Variants in FBXO31 observed in about 807,000 individuals in gnomAD.
FBXO31 encodes the protein F-box only protein 31.
In FBXO31, 24 loss-of-function variants were observed where a neutral mutation model predicts 54.4. The ratio of observed to expected loss-of-function variants is 0.44; its 90% confidence interval spans 0.32 to 0.62. The LOEUF (loss-of-function observed/expected upper bound fraction) is 0.62, where lower values mean the gene tolerates loss of function less well. Ranked by LOEUF, FBXO31 falls within the 20% of genes least tolerant of loss-of-function variation. The pLI is 0.05. For synonymous variants in FBXO31, 388 were observed against 335.6 expected (o/e 1.16, Z -1.71); for missense variants, 665 against 787.1 (o/e 0.84, Z 1.86).
At chr16:87,375,264 G>A (rs569543083) in intron 1 of FBXO31, among the ~76,000 whole-genome samples, 71 of 152,210 alleles carry the variant, frequency 4.7e-4, no homozygotes, top group Middle Eastern at 3.4e-3. Flanking sequence ...CCAAGATCGC[G>A]CCACTGCACT....
chr16:87,380,553 T>A (rs1907033562), intron 1 of FBXO31, among the ~76,000 whole-genome samples: 1 of 152,136 alleles, frequency 6.6e-6, no homozygotes, highest in African/African-American at 2.4e-5. Context: ...CATGACTGGC[T>A]AACTTTTGTA....
chr16:87,362,321 G>A (rs1006835640), intron 1 of FBXO31, among the ~76,000 whole-genome samples: 3 of 151,472 alleles, frequency 2.0e-5, no homozygotes, highest in African/African-American at 7.3e-5. Context: ...TTTTTTTAGA[G>A]ATAGGGTCTC....
rs1311585411 is a variant in FBXO31, at chr16:87,383,391, C to T, written c.340+14G>A. ...CCCCCGCCCCTCCCGGCCCCGCCACCCCCGCGCGCTCACCCTCACGGCAAC... is the reference window on the plus strand; with the variant it reads ...CCCCCGCCCCTCCCGGCCCCGCCACTCCCGCGCGCTCACCCTCACGGCAAC... On this transcript the variant is annotated intron_variant, in intron 1 of 8. Transcript: ENST00000311635. This position sits in a 1 kb window ranked among gnomAD's most constrained non-coding sequence, Gnocchi z 4.9. 1.3e-6 allele frequency: 2 copies of T among 1,529,798 alleles called. No homozygotes were observed. Among genetic ancestry groups the T allele is most frequent in the Admixed American group, 2.0e-5 (1 of 49,118 alleles). 94.8% of individuals were successfully genotyped at this position (1,529,798 alleles called of 1,614,324 possible). A position where few individuals can be genotyped will look rare whatever the true frequency, so the allele number is the denominator to read the frequency against.
At chr16:87,362,916 C>T (rs1174071102) in intron 1 of FBXO31, among the ~76,000 whole-genome samples, 2 of 152,080 alleles carry the variant, frequency 1.3e-5, no homozygotes, top group Non-Finnish European at 2.9e-5. Context: ...GTCAGGGACC[C>T]CTGTCTTTAC....
Position 87,383,280 on chromosome 16 carries a change from G to A in FBXO31, c.340+125C>T. The A allele has an allele frequency of 3.3e-6, 3 of 907,624 alleles. No homozygotes were observed. Among genetic ancestry groups the A allele is most frequent in the Non-Finnish European group, 3.1e-6 (2 of 639,384 alleles). The allele number at this position is 907,624 out of a possible 1,614,324, so 56.2% of individuals were successfully genotyped here. On this transcript the variant is annotated intron_variant, in intron 1 of 8. Coordinates refer to ENST00000311635, the MANE Select transcript of FBXO31 (RefSeq NM_024735.5). The surrounding 1 kb of genome is among the most constrained non-coding windows in gnomAD (Gnocchi z 4.9). Reference sequence around the variant, plus strand: ...CCACCCACACCCAAAACACCACATCGCCGGGCCCCGCGCCCAACTGGTGGC... The same window carrying A: ...CCACCCACACCCAAAACACCACATCACCGGGCCCCGCGCCCAACTGGTGGC...
rs560886136 is a variant in FBXO31, at chr16:87,352,037, G to A, written c.413-4787C>T. On this transcript the variant is annotated intron_variant, in intron 2 of 8. Coordinates refer to ENST00000311635, the MANE Select transcript of FBXO31 (RefSeq NM_024735.5). The stretch of plus-strand genomic sequence containing the variant: ...AATCAGCAAGGCGATGTGGGGTGGG[G>A]TGGGGGGCCCCTGTCAGGGTTTCTG... 1.4e-4 allele frequency among the ~76,000 whole-genome samples: 21 copies of A among 152,322 alleles called. No homozygotes were observed. In the East Asian group the frequency reaches 3.7e-3, roughly 27 times the overall value.
chr16:87,328,052 C>T lies in FBXO31; in HGVS notation c.*3236G>A, dbSNP rs1904710550. 1 of 152,294 alleles carries T rather than the reference C, an allele frequency of 6.6e-6. No individual in the cohort carries two copies. Among genetic ancestry groups the T allele is most frequent in the Non-Finnish European group, 1.5e-5 (1 of 68,104 alleles). The allele number at this position is 152,294 out of a possible 1,614,324, so 9.4% of individuals were successfully genotyped here. A position where few individuals can be genotyped will look rare whatever the true frequency, so the allele number is the denominator to read the frequency against. On this transcript the variant is annotated 3_prime_UTR_variant, in exon 9 of 9. Coordinates refer to ENST00000311635, the MANE Select transcript of FBXO31 (RefSeq NM_024735.5). ...CATGTGGGCAGGCGTTCTGAAGTAA[C>T]AAAGGGGCTGAGGAGTTTCTGCTGC... is the stretch of plus-strand genomic sequence containing the variant.
At chr16:87,337,584 G>A (rs1377883755) in intron 5 of FBXO31, among the ~76,000 whole-genome samples, 2 of 152,212 alleles carry the variant, frequency 1.3e-5, no homozygotes, top group African/African-American at 4.8e-5. Context: ...CCTCACACGG[G>A]CACCAACAGA....
upstream of FBXO31, chr16:87,384,019 G>T (rs184718664): frequency 5.0e-6 from 1 of 199,520 alleles, no homozygotes; most frequent in Non-Finnish European, 1.0e-5. Flanking sequence ...CAAAACGTTA[G>T]ACTGCCCCGT....
rs568984415 is a variant in FBXO31 at position 87,352,783 on chromosome 16, C to T, written c.413-5533G>A. On this transcript the variant is annotated intron_variant, in intron 2 of 8. Coordinates refer to ENST00000311635, the MANE Select transcript of FBXO31 (RefSeq NM_024735.5). ...AGGCATCTATCTGCCCTGGGAGCCC[C>T]GGCATAAATGCTCCCGAAATGAATT... Among the ~76,000 whole-genome samples the T allele has an allele frequency of 5.3e-5, 8 of 152,292 alleles. No homozygotes were observed. In the East Asian group the frequency reaches 5.8e-4, roughly 11 times the overall value.
chr16:87,355,737 G>C (rs986031660), intron 2 of FBXO31, among the ~76,000 whole-genome samples: 2 of 152,280 alleles, frequency 1.3e-5, no homozygotes, highest in Admixed American at 6.5e-5. Flanking sequence ...CTGGATGCTC[G>C]AGAGGCCAGC....
intron 2 of FBXO31, among the ~76,000 whole-genome samples, chr16:87,356,211 A>G (rs920971795): frequency 2.0e-5 from 3 of 150,648 alleles, no homozygotes; most frequent in Non-Finnish European, 3.0e-5. Context: ...CCTGGGTGAC[A>G]GAGTGAGACT....
intron 8 of FBXO31, among the ~76,000 whole-genome samples, chr16:87,332,378 G>A (rs966546753): frequency 1.3e-5 from 2 of 152,254 alleles, no homozygotes; most frequent in African/African-American, 4.8e-5. Flanking sequence ...GCTGGGGACG[G>A]AGGCTGGACA....
Position 87,360,329 on chromosome 16 carries a change from G to C in FBXO31, c.378C>G (p.Ile126Met), listed in dbSNP as rs1906078184. ...AGACGTCCCGACAAGACACGCCTGT[G>C]ATCTCCAGCTTCCGCAAGTTTTCGC... ...GVCENLRKLE[I>M]TGVSCRDVYA... Residue 126 changes from isoleucine to methionine, a missense_variant, in exon 2 of 9, where the codon ATC (isoleucine) becomes ATG (methionine). Around this residue, in one of 4 missense-constraint regions of FBXO31, gnomAD observed 234 missense variants for 346.8 expected, o/e 0.67. Coordinates refer to ENST00000311635, the MANE Select transcript of FBXO31 (RefSeq NM_024735.5). The C allele has an allele frequency of 6.2e-7, 1 of 1,614,190 alleles. No individual in the cohort carries two copies. Among genetic ancestry groups the C allele is most frequent in the Non-Finnish European group, 8.5e-7 (1 of 1,180,038 alleles).
chr16:87,347,299 G>T, intron 2 of FBXO31, 49 bp from the exon 3 acceptor site: 1 of 1,557,456 alleles, frequency 6.4e-7, no homozygotes, highest in African/African-American at 1.4e-5. Context: ...CCAGCGTGCC[G>T]CAGGGAGCCC....
At chr16:87,373,179 C>T (rs1302071028) in intron 1 of FBXO31, among the ~76,000 whole-genome samples, 28 of 152,094 alleles carry the variant, frequency 1.8e-4, no homozygotes, top group Admixed American at 1.6e-3. Context: ...TGGCCGGGCA[C>T]AGTGGCTCAC....
At chr16:87,363,515 T>C (rs1239958161) in intron 1 of FBXO31, among the ~76,000 whole-genome samples, 1 of 152,212 alleles carries the variant, frequency 6.6e-6, no homozygotes, top group Non-Finnish European at 1.5e-5. Flanking sequence ...TAAGAATTTC[T>C]TAAGTGAAAA....
chr16:87,336,114 A>G lies in FBXO31; in HGVS notation c.842+41T>C, dbSNP rs1295665654. The G allele has an allele frequency of 3.9e-6, 6 of 1,556,994 alleles. No individual in the cohort carries two copies. In the East Asian group the frequency reaches 1.3e-4, roughly 35 times the overall value. ...ACAGGGCTGGTCCCCAGCACACACC[A>G]GGAGAGGGCTACCCCAGCACCGAGC... On this transcript the variant is annotated intron_variant, in intron 6 of 8. Transcript: ENST00000311635. The surrounding 1 kb of genome is among the most constrained non-coding windows in gnomAD (Gnocchi z 6.5).
chr16:87,348,788 C>A (rs1399680581), intron 2 of FBXO31, among the ~76,000 whole-genome samples: 1 of 152,224 alleles, frequency 6.6e-6, no homozygotes, highest in East Asian at 1.9e-4. Context: ...ACCAGAGCAG[C>A]AGGCAGGACC....
Sources: gnomAD v4.1 joint callset for allele counts (sites outside exome capture counted in the v4.1 genomes callset) on GRCh38, gnomAD v4.1.1 for gene constraint, gnomAD v4.1.1 regional missense constraint, Gnocchi (gnomAD v3.1) non-coding constraint, MANE v1.5 for transcripts, NCBI Gene and HGNC (gene_info 2026-07-23, HGNC 2026-07-21) for gene names.